KDM4B: variants seen among roughly 807,000 people sequenced by gnomAD.
KDM4B encodes lysine demethylase 4B.
Under a neutral mutation model 125.2 loss-of-function variants are expected in KDM4B, and 32 were observed. That is an observed-to-expected ratio of 0.26 (90% CI 0.19 to 0.34). The LOEUF (loss-of-function observed/expected upper bound fraction) is 0.34, where lower values mean the gene tolerates loss of function less well. Among genes scored for constraint, KDM4B ranks in the 10% least tolerant of loss-of-function variants. KDM4B has a pLI of 1.00. For missense variants in KDM4B, 1,190 were observed against 1,577.7 expected, an observed-to-expected ratio of 0.75 and a Z score of 4.16; for synonymous variants, 721 against 677.9, an observed-to-expected ratio of 1.06 and a Z score of -0.99.
intron 2 of KDM4B, among the ~76,000 whole-genome samples, chr19:5,021,614 A>T (rs116039699): frequency 2.0e-5 from 3 of 150,760 alleles, no homozygotes; most frequent in African/African-American, 7.3e-5. Flanking sequence ...AAAAGAGTAG[A>T]TAGAGTGCAG....
chr19:5,119,515 C>T, intron 10 of KDM4B, 138 bp from the exon 11 acceptor site: 2 of 880,066 alleles, frequency 2.3e-6, no homozygotes. Flanking sequence ...TACCCCCGGC[C>T]TCCAGCCAGG....
chr19:5,097,636 A>G (rs1327471959), intron 9 of KDM4B, among the ~76,000 whole-genome samples: 1 of 152,242 alleles, frequency 6.6e-6, no homozygotes, highest in Non-Finnish European at 1.5e-5. Context: ...CAAGGCGCAG[A>G]GCAGGGACCG....
At chr19:4,993,333 C>T (rs544440438) in intron 1 of KDM4B, among the ~76,000 whole-genome samples, 7 of 151,726 alleles carry the variant, frequency 4.6e-5, no homozygotes, top group African/African-American at 7.3e-5. Flanking sequence ...CGCTTGAACC[C>T]GGGAGGCAGA....
intron 5 of KDM4B, among the ~76,000 whole-genome samples, chr19:5,045,861 T>C (rs557460346): frequency 1.3e-5 from 2 of 152,292 alleles, no homozygotes; most frequent in South Asian, 4.1e-4. Flanking sequence ...CCACCTGCCT[T>C]GGCCTCCCAA....
chr19:5,092,322 G>A (rs1241042875), intron 9 of KDM4B, among the ~76,000 whole-genome samples: 4 of 152,212 alleles, frequency 2.6e-5, no homozygotes, highest in Non-Finnish European at 5.9e-5. Context: ...CAACCCAGCT[G>A]TTTCAACCAC....
At chr19:5,016,480 G>C (rs1046233227) in intron 2 of KDM4B, 141 bp downstream of exon 2, 2 of 152,300 alleles carry the variant, frequency 1.3e-5, no homozygotes, top group African/African-American at 4.8e-5. Flanking sequence ...GGCGCAAGCT[G>C]TGCTTAGACG....
In KDM4B at chr19:5,146,813, C is replaced by T. The variant is rs547207312; in HGVS notation, c.3021+1911C>T. Among the ~76,000 whole-genome samples the T allele has an allele frequency of 1.2e-4, 15 of 127,502 alleles. No homozygotes were observed. The East Asian group carries it at 1.9e-3, about 16-fold the overall frequency. The allele number at this position is 127,502 out of a possible 152,430, so 83.6% of individuals were successfully genotyped here. ...AAAATTAGCTGGGCATGGTAGTGTG[C>T]GCGTGTAGTCTCAGCTACTCGGGAT... On this transcript the variant is annotated intron_variant, in intron 21 of 22. Transcript: ENST00000159111.
At chr19:5,146,002 A>G (rs866997853) in intron 21 of KDM4B, among the ~76,000 whole-genome samples, 2 of 152,206 alleles carry the variant, frequency 1.3e-5, no homozygotes, top group Non-Finnish European at 2.9e-5. Context: ...AACTGAAATG[A>G]TCGAGTGTCA....
chr19:5,084,669 C>T (rs1013890469), intron 9 of KDM4B, among the ~76,000 whole-genome samples: 26 of 147,608 alleles, frequency 1.8e-4, no homozygotes, highest in South Asian at 1.1e-3. Context: ...GGATTTTGGC[C>T]GGACATGATG....
intron 11 of KDM4B, among the ~76,000 whole-genome samples, chr19:5,125,560 T>A (rs1027941741): frequency 6.6e-6 from 1 of 151,972 alleles, no homozygotes; most frequent in African/African-American, 2.4e-5. Context: ...GGCAACTCGC[T>A]CCCTCCCGAG....
intron 9 of KDM4B, among the ~76,000 whole-genome samples, chr19:5,091,819 GGA>G (rs1479229063): frequency 5.3e-5 from 8 of 152,182 alleles, no homozygotes; most frequent in Non-Finnish European, 8.8e-5. Context: ...CTGACCCGCT[GGA>G]GCCCACGGCT....
At chr19:5,091,769 A>C (rs2038710687) in intron 9 of KDM4B, among the ~76,000 whole-genome samples, 1 of 151,526 alleles carries the variant, frequency 6.6e-6, no homozygotes, top group African/African-American at 2.4e-5. Flanking sequence ...GGTGGGAGGG[A>C]GGAGGGCCCA....
chr19:4,978,255 C>G (rs919920864), intron 1 of KDM4B, among the ~76,000 whole-genome samples: 18 of 152,042 alleles, frequency 1.2e-4, no homozygotes, highest in African/African-American at 4.3e-4. Context: ...GCCTGTCATC[C>G]CAGCACTTTG....
At chr19:4,978,955 G>T (rs192089069) in intron 1 of KDM4B, among the ~76,000 whole-genome samples, 2 of 152,358 alleles carry the variant, frequency 1.3e-5, no homozygotes, top group Admixed American at 1.3e-4. Context: ...TGCCCGCAGG[G>T]CCTCTTGGTG....
intron 1 of KDM4B, among the ~76,000 whole-genome samples, chr19:4,988,376 C>T (rs1366180843): frequency 6.6e-6 from 1 of 152,054 alleles, no homozygotes; most frequent in South Asian, 2.1e-4. Context: ...CCTGGGTTCA[C>T]GCCATTCTCC....
rs563321462 is a variant in KDM4B at position 5,012,895 on chromosome 19, C to T, written c.-108-3362C>T. Among the ~76,000 whole-genome samples the T allele has an allele frequency of 2.9e-4, 44 of 152,308 alleles. 1 individual carries two copies. Among genetic ancestry groups the T allele is most frequent in the African/African-American group, 8.9e-4 (37 of 41,570 alleles). ...GAAGGAAGTCACCGCATAGCCCATGCGTAAGGAATAGGGAGCTGCCTGGGC... is the reference window on the plus strand; with the variant it reads ...GAAGGAAGTCACCGCATAGCCCATGTGTAAGGAATAGGGAGCTGCCTGGGC... On this transcript the variant is annotated intron_variant, in intron 1 of 22. Transcript: ENST00000159111.
chr19:5,071,258 C>G (rs765107642), intron 7 of KDM4B, among the ~76,000 whole-genome samples, 199 bp downstream of exon 7: 2 of 152,240 alleles, frequency 1.3e-5, no homozygotes, highest in Non-Finnish European at 2.9e-5. Flanking sequence ...GCCCTTCTGC[C>G]GCGCAGTTTG....
intron 4 of KDM4B, among the ~76,000 whole-genome samples, chr19:5,040,623 G>A (rs978609615): frequency 2.0e-5 from 3 of 152,158 alleles, no homozygotes; most frequent in Non-Finnish European, 4.4e-5. Flanking sequence ...AGCAGGCACA[G>A]CCACGTAGCC....
rs753300860 is a variant in KDM4B, at chr19:4,971,161, C to T, written c.-109+1931C>T. Reference sequence around the variant, plus strand: ...GTTTGCTCGCATTTTCTAACCCTTTCCTCTTTGGGGAGGGGGCTGCTAACA... The same window carrying T: ...GTTTGCTCGCATTTTCTAACCCTTTTCTCTTTGGGGAGGGGGCTGCTAACA... On this transcript the variant is annotated intron_variant, in intron 1 of 22. Coordinates refer to ENST00000159111, the MANE Select transcript of KDM4B (RefSeq NM_015015.3). The surrounding 1 kb of genome is among the most constrained non-coding windows in gnomAD (Gnocchi z 4.1). Among the ~76,000 whole-genome samples the T allele has an allele frequency of 7.2e-5, 11 of 152,148 alleles. No homozygotes were observed. Among genetic ancestry groups the T allele is most frequent in the Non-Finnish European group, 1.3e-4 (9 of 68,026 alleles).
Sources: allele counts gnomAD v4.1 joint callset (sites outside exome capture counted in the v4.1 genomes callset), GRCh38; gene constraint gnomAD v4.1.1; non-coding constraint Gnocchi (gnomAD v3.1); transcripts MANE v1.5; gene names NCBI Gene and HGNC (gene_info 2026-07-23, HGNC 2026-07-21).